ZNF469: variants seen among roughly 807,000 people sequenced by gnomAD.
ZNF469 encodes zinc finger protein 469.
A neutral mutation model predicts 1.0 loss-of-function variants in ZNF469; 1 was observed. The observed-to-expected ratio is 1.00, with a 90% confidence interval of 0.35 to 4.73. The LOEUF (loss-of-function observed/expected upper bound fraction) is 4.73, where lower values mean the gene tolerates loss of function less well. Ranked by LOEUF, ZNF469 falls within the 30% of genes most tolerant of loss-of-function variation. ZNF469 has a pLI of 0.16. For synonymous variants in ZNF469, 2,703 were observed against 2,363.4 expected, an observed-to-expected ratio of 1.14 and a Z score of -4.17; for missense variants, 6,100 against 5,356.3, an observed-to-expected ratio of 1.14 and a Z score of -4.33.
chr16:88,113,976 A>G, the ZNF469 span, among the ~76,000 whole-genome samples: 3 of 152,150 alleles, frequency 2.0e-5, no homozygotes, highest in African/African-American at 7.2e-5. Flanking sequence ...GGGCCGTGCG[A>G]TGGGAGGTCC....
the ZNF469 span, among the ~76,000 whole-genome samples, chr16:88,343,586 C>T: frequency 9.8e-4 from 149 of 152,226 alleles, no homozygotes; most frequent in Middle Eastern, 3.4e-3. Flanking sequence ...CAAGGTCGAG[C>T]GGCTGCCTCT....
At chr16:88,222,758 G>A in the ZNF469 span, among the ~76,000 whole-genome samples, 26 of 147,098 alleles carry the variant, frequency 1.8e-4, 1 homozygote, top group African/African-American at 3.3e-4. Context: ...ACTCCATCCC[G>A]AAAAAAAAAA....
At chr16:88,304,739 G>A in the ZNF469 span, among the ~76,000 whole-genome samples, 1 of 152,194 alleles carries the variant, frequency 6.6e-6, no homozygotes, top group African/African-American at 2.4e-5. Context: ...GCTCCTGGAT[G>A]TTGCAAAATC....
At chr16:88,126,384 C>T in the ZNF469 span, among the ~76,000 whole-genome samples, 4 of 151,666 alleles carry the variant, frequency 2.6e-5, no homozygotes, top group Middle Eastern at 3.4e-3. Flanking sequence ...TTGGGGGAAA[C>T]GTCTCGTATT....
At chr16:88,324,154 G>T in the ZNF469 span, among the ~76,000 whole-genome samples, 1 of 152,216 alleles carries the variant, frequency 6.6e-6, no homozygotes, top group Non-Finnish European at 1.5e-5. Context: ...GGCCTGTTCG[G>T]GGCTACTTGG....
chr16:88,355,891 C>T, the ZNF469 span, among the ~76,000 whole-genome samples: 1 of 152,144 alleles, frequency 6.6e-6, no homozygotes, highest in Non-Finnish European at 1.5e-5. Flanking sequence ...TCGGCGGCCG[C>T]CTCTTGGGTC....
the ZNF469 span, among the ~76,000 whole-genome samples, chr16:88,273,465 A>G: frequency 6.6e-6 from 1 of 152,176 alleles, no homozygotes; most frequent in Non-Finnish European, 1.5e-5. Flanking sequence ...GCCCATTAAG[A>G]TAATTACCAT....
chr16:88,306,989 C>G, the ZNF469 span, among the ~76,000 whole-genome samples: 4,703 of 152,292 alleles, frequency 0.031, 208 homozygotes, highest in East Asian at 0.16. Flanking sequence ...CCTTTATCAT[C>G]AGCTCCTTGT....
At chr16:88,248,459 C>A in the ZNF469 span, among the ~76,000 whole-genome samples, 1 of 152,122 alleles carries the variant, frequency 6.6e-6, no homozygotes, top group Non-Finnish European at 1.5e-5. Context: ...TGCTTGTAAT[C>A]CCAGCACTTT....
At chr16:88,198,956 G>A in the ZNF469 span, among the ~76,000 whole-genome samples, 6 of 152,224 alleles carry the variant, frequency 3.9e-5, no homozygotes, top group Non-Finnish European at 5.9e-5. Flanking sequence ...TTGACAAGAC[G>A]CTGCTGCCGC....
chr16:88,180,725 C>T, the ZNF469 span, among the ~76,000 whole-genome samples: 11 of 151,190 alleles, frequency 7.3e-5, no homozygotes, highest in East Asian at 2.0e-4. Context: ...AGTGAGCCAA[C>T]GTGGTCCCAC....
the ZNF469 span, among the ~76,000 whole-genome samples, chr16:88,344,039 C>A: frequency 6.6e-6 from 1 of 151,910 alleles, no homozygotes; most frequent in African/African-American, 2.4e-5. Flanking sequence ...GGTCTCTGTC[C>A]CAAAAACCCA....
chr16:88,261,007 A>G, the ZNF469 span, among the ~76,000 whole-genome samples: 1 of 152,174 alleles, frequency 6.6e-6, no homozygotes, highest in Non-Finnish European at 1.5e-5. This position sits in a 1 kb window ranked among gnomAD's most constrained non-coding sequence, Gnocchi z 6.0. Context: ...GAGAGGATCA[A>G]GTGAAAATGG....
Position 88,435,963 on chromosome 16 carries a change from C to T in ZNF469, c.8493C>T (p.Val2831=). The T allele has an allele frequency of 1.9e-6, 3 of 1,550,056 alleles. No homozygotes were observed. The highest frequency in any genetic ancestry group is 1.2e-5 in the South Asian group (1 of 84,064). ...ACAACCCAGACACCCAGGGTGGAGT[C>T]CAGGGGCCTGAAGGCCCCACTCCTG... The part of the protein sequence containing the change: ...LPDNPDTQGG[V]QGPEGPTPDA... The change falls in exon 3 of 3, where the codon GTC becomes GTT. Residue 2831 remains valine, a synonymous_variant. Coordinates refer to ENST00000565624, the MANE Select transcript of ZNF469 (RefSeq NM_001367624.2).
rs771929127 is a variant in ZNF469 at position 88,436,244 on chromosome 16, C to G, written c.8774C>G (p.Pro2925Arg). ...SSSLCLCHED[P>R]WEDEDPAGLP... ...TCCCTCTGCCTCTGCCATGAGGACCCGTGGGAGGACGAGGATCCCGCAGGT... is the reference window on the plus strand; with the variant it reads ...TCCCTCTGCCTCTGCCATGAGGACCGGTGGGAGGACGAGGATCCCGCAGGT... Residue 2925 changes from proline to arginine, a missense_variant, in exon 3 of 3, where the codon CCG becomes CGG. Physicochemically the swap from Pro to Arg is moderately radical, Grantham distance 103 (BLOSUM62 -2). Transcript: ENST00000565624. 6.5e-7 allele frequency: 1 copy of G among 1,549,610 alleles called. No individual in the cohort carries two copies. The highest frequency in any genetic ancestry group is 8.7e-7 in the Non-Finnish European group (1 of 1,146,868).
Position 88,428,574 on chromosome 16 carries a change from C to T in ZNF469, c.1104C>T (p.Phe368=), listed in dbSNP as rs1905875683. The part of the protein sequence containing the change: ...PGAAHSAPRP[F]SDSLHKSLTK... Reference sequence around the variant, plus strand: ...CTGCTCACTCGGCCCCGAGACCCTTCTCTGACAGTTTACACAAGAGCCTGA... The same window carrying T: ...CTGCTCACTCGGCCCCGAGACCCTTTTCTGACAGTTTACACAAGAGCCTGA... Residue 368 remains phenylalanine (F), a synonymous_variant, in exon 3 of 3, where the codon TTC becomes TTT. Coordinates refer to ENST00000565624, the MANE Select transcript of ZNF469 (RefSeq NM_001367624.2). 2.6e-6 allele frequency: 4 copies of T among 1,550,112 alleles called. No individual in the cohort carries two copies. Among genetic ancestry groups the T allele is most frequent in the South Asian group, 2.4e-5 (2 of 84,072 alleles).
the ZNF469 span, among the ~76,000 whole-genome samples, chr16:88,373,734 C>A: frequency 1.3e-5 from 2 of 152,288 alleles, no homozygotes; most frequent in South Asian, 4.1e-4. Context: ...CGGTGGCTCA[C>A]GCCTATAATC....
chr16:88,225,524 G>A, the ZNF469 span, among the ~76,000 whole-genome samples: 1 of 152,218 alleles, frequency 6.6e-6, no homozygotes, highest in South Asian at 2.1e-4. Flanking sequence ...TGCCTTTTTC[G>A]GGGAGGAGGT....
At chr16:88,153,191 C>T in the ZNF469 span, among the ~76,000 whole-genome samples, 14 of 152,344 alleles carry the variant, frequency 9.2e-5, no homozygotes, top group East Asian at 1.9e-3. Flanking sequence ...CTCTGCACTC[C>T]GGGAACCCAG....
Sources: allele counts gnomAD v4.1 joint callset (sites outside exome capture counted in the v4.1 genomes callset), GRCh38; gene constraint gnomAD v4.1.1; non-coding constraint Gnocchi (gnomAD v3.1); transcripts MANE v1.5; gene names NCBI Gene and HGNC (gene_info 2026-07-23, HGNC 2026-07-21).